Variants in IMMP2L observed in about 807,000 individuals in gnomAD.
The protein encoded by IMMP2L is inner mitochondrial membrane peptidase subunit 2.
Under a neutral mutation model 19.3 loss-of-function variants are expected in IMMP2L, and 18 were observed. That is an observed-to-expected ratio of 0.93 (90% CI 0.64 to 1.38). IMMP2L has a LOEUF of 1.38. IMMP2L is among the 40% of genes most tolerant of loss of function. The pLI, the probability that IMMP2L is intolerant of heterozygous loss-of-function variation, is 0.00. For missense variants in IMMP2L, 233 were observed against 218.2 expected, an observed-to-expected ratio of 1.07 and a Z score of -0.43; for synonymous variants, 76 against 73.0, an observed-to-expected ratio of 1.04 and a Z score of -0.21.
chr7:111,082,416 A>G (rs1332780390), intron 3 of IMMP2L, among the ~76,000 whole-genome samples: 1 of 152,212 alleles, frequency 6.6e-6, no homozygotes, highest in Admixed American at 6.5e-5. Flanking sequence ...GAATGTTATT[A>G]CAGTACAACG....
rs191666349 is a variant in IMMP2L, at chr7:111,280,904, C to G, written c.239+206334G>C. Among the ~76,000 whole-genome samples, 668 of 151,772 alleles carry G rather than the reference C, an allele frequency of 4.4e-3. 1 individual carries two copies. The highest frequency in any genetic ancestry group is 6.7e-3 in the South Asian group (32 of 4,806). Reference sequence around the variant, plus strand: ...CTAACACGGTGAAACCCTGTCTCTACTAAAAATACAAAAAAATTAGCCAGG... The same window carrying G: ...CTAACACGGTGAAACCCTGTCTCTAGTAAAAATACAAAAAAATTAGCCAGG... On this transcript the variant is annotated intron_variant, in intron 3 of 5. Coordinates refer to ENST00000405709, the MANE Select transcript of IMMP2L (RefSeq NM_032549.4).
At chr7:110,821,160 A>G (rs1314048158) in intron 5 of IMMP2L, among the ~76,000 whole-genome samples, 1 of 151,976 alleles carries the variant, frequency 6.6e-6, no homozygotes, top group Non-Finnish European at 1.5e-5. Context: ...ACTCTTCCCA[A>G]CAACCTGTGA....
chr7:111,120,064 C>G (rs537833014), intron 3 of IMMP2L, among the ~76,000 whole-genome samples: 38 of 152,198 alleles, frequency 2.5e-4, no homozygotes, highest in Middle Eastern at 3.4e-3. Context: ...AGGTTGCCTG[C>G]AGGAAAATGG....
chr7:110,723,553 C>A (rs1265458549), intron 5 of IMMP2L, among the ~76,000 whole-genome samples: 20 of 151,884 alleles, frequency 1.3e-4, no homozygotes, highest in African/African-American at 4.8e-4. Flanking sequence ...CTAAATAAAT[C>A]TTCACTGATT....
At chr7:111,321,719 A>C (rs549991041) in intron 3 of IMMP2L, among the ~76,000 whole-genome samples, 16 of 152,004 alleles carry the variant, frequency 1.1e-4, no homozygotes, top group Non-Finnish European at 2.1e-4. Context: ...TGTGGTTTCA[A>C]TGTAAGCACT....
intron 5 of IMMP2L, among the ~76,000 whole-genome samples, chr7:110,732,423 G>T (rs1259145077): frequency 1.3e-5 from 2 of 152,096 alleles, no homozygotes; most frequent in African/African-American, 4.8e-5. Context: ...AAACAAAGAG[G>T]TCTTTGGAAC....
intron 4 of IMMP2L, among the ~76,000 whole-genome samples, chr7:110,908,225 C>A (rs1370505921): frequency 6.6e-6 from 1 of 151,924 alleles, no homozygotes; most frequent in Admixed American, 6.6e-5. Flanking sequence ...AAAACTGACC[C>A]CTTTTTTATT....
At chr7:110,681,995 G>C (rs558221933) in intron 5 of IMMP2L, among the ~76,000 whole-genome samples, 1 of 152,214 alleles carries the variant, frequency 6.6e-6, no homozygotes, top group African/African-American at 2.4e-5. Context: ...AGGAAAAGAA[G>C]AAAGAAAAAT....
At chr7:111,465,665 T>C (rs1472635410) in intron 3 of IMMP2L, among the ~76,000 whole-genome samples, 2 of 151,832 alleles carry the variant, frequency 1.3e-5, no homozygotes, top group Non-Finnish European at 2.9e-5. Context: ...CATTAAAAAG[T>C]CAGGAAACAA....
At chr7:111,478,966 A>G (rs1295685242) in intron 3 of IMMP2L, among the ~76,000 whole-genome samples, 1 of 152,188 alleles carries the variant, frequency 6.6e-6, no homozygotes, top group Non-Finnish European at 1.5e-5. Flanking sequence ...TAAAATCAAG[A>G]TTGGGTTTAT....
intron 3 of IMMP2L, among the ~76,000 whole-genome samples, chr7:111,009,190 T>G (rs1345604357): frequency 6.6e-6 from 1 of 152,110 alleles, no homozygotes; most frequent in African/African-American, 2.4e-5. Flanking sequence ...TTTTCTGGCC[T>G]TATCAGATTG....
intron 5 of IMMP2L, among the ~76,000 whole-genome samples, chr7:110,820,771 A>C (rs1802952183): frequency 6.6e-6 from 1 of 152,028 alleles, no homozygotes; most frequent in African/African-American, 2.4e-5. Flanking sequence ...ACTCTACCCT[A>C]ATAAGGGGTG....
chr7:111,115,692 A>T (rs1356106107), intron 3 of IMMP2L, among the ~76,000 whole-genome samples: 2 of 151,692 alleles, frequency 1.3e-5, no homozygotes. Context: ...TCTTAGACAG[A>T]CTCACACTCT....
At chr7:111,013,155 T>C (rs1825150248) in intron 3 of IMMP2L, among the ~76,000 whole-genome samples, 1 of 152,082 alleles carries the variant, frequency 6.6e-6, no homozygotes, top group Non-Finnish European at 1.5e-5. Flanking sequence ...TAAGGACAGA[T>C]GAGGCTGTTG....
At chr7:111,299,955 G>A (rs1205046049) in intron 3 of IMMP2L, among the ~76,000 whole-genome samples, 1 of 152,118 alleles carries the variant, frequency 6.6e-6, no homozygotes, top group African/African-American at 2.4e-5. Context: ...ATTTCAACAG[G>A]TATCTGAAAT....
chr7:111,045,154 T>C (rs1792273683), intron 3 of IMMP2L, among the ~76,000 whole-genome samples: 1 of 152,170 alleles, frequency 6.6e-6, no homozygotes, highest in Middle Eastern at 3.2e-3. Context: ...AAAACAAAAT[T>C]TGCGTCTCTG....
At chr7:111,134,329 G>A (rs1802131237) in intron 3 of IMMP2L, among the ~76,000 whole-genome samples, 1 of 151,678 alleles carries the variant, frequency 6.6e-6, no homozygotes, top group African/African-American at 2.4e-5. Flanking sequence ...GTTTCCAATT[G>A]GAACGTTGAA....
intron 1 of IMMP2L, among the ~76,000 whole-genome samples, chr7:111,558,162 G>A (rs1180304152): frequency 6.6e-6 from 1 of 152,160 alleles, no homozygotes; most frequent in African/African-American, 2.4e-5. Flanking sequence ...GTTCTTTCTA[G>A]GAAACAAGTA....
intron 3 of IMMP2L, among the ~76,000 whole-genome samples, chr7:111,084,836 T>C (rs540079589): frequency 1.3e-5 from 2 of 152,284 alleles, no homozygotes; most frequent in Admixed American, 1.3e-4. Flanking sequence ...GTAGCAAATA[T>C]TGATAGCTCT....
Sources: gnomAD v4.1 joint callset for allele counts (sites outside exome capture counted in the v4.1 genomes callset) on GRCh38, gnomAD v4.1.1 for gene constraint, MANE v1.5 for transcripts, NCBI Gene and HGNC (gene_info 2026-07-23, HGNC 2026-07-21) for gene names.